Variants in THSD7B observed in about 807,000 individuals in gnomAD.
THSD7B encodes thrombospondin type 1 domain containing 7B.
THSD7B carries 138 observed loss-of-function variants against 213.6 expected under a neutral mutation model. The ratio of observed to expected loss-of-function variants is 0.65; its 90% confidence interval spans 0.56 to 0.74. The LOEUF is 0.74. Ranked by LOEUF, THSD7B falls within the 30% of genes least tolerant of loss-of-function variation. The probability of loss-of-function intolerance (pLI) is 0.00; values close to 1 mark genes in which losing one functional copy is unlikely to be tolerated. For missense variants in THSD7B, 1,931 were observed against 1,991.5 expected, an observed-to-expected ratio of 0.97 and a Z score of 0.58; for synonymous variants, 742 against 687.0, an observed-to-expected ratio of 1.08 and a Z score of -1.25.
At chr2:137,520,574 T>G (rs1048058881) in intron 15 of THSD7B, among the ~76,000 whole-genome samples, 1 of 152,214 alleles carries the variant, frequency 6.6e-6, no homozygotes, top group Admixed American at 6.5e-5. Flanking sequence ...TGCCCATAAA[T>G]GCTGGATATA....
chr2:137,438,392 G>T (rs1209690675), intron 14 of THSD7B, among the ~76,000 whole-genome samples: 2 of 151,998 alleles, frequency 1.3e-5, no homozygotes, highest in Non-Finnish European at 2.9e-5. Flanking sequence ...TATGCAATGG[G>T]TACTGTTATT....
chr2:137,192,242 A>G (rs924005852), intron 7 of THSD7B, among the ~76,000 whole-genome samples: 6 of 152,210 alleles, frequency 3.9e-5, no homozygotes, highest in Non-Finnish European at 8.8e-5. Flanking sequence ...TATTCAACAC[A>G]ACAACACATA....
At chr2:137,179,232 C>T (rs1455107024) in intron 7 of THSD7B, among the ~76,000 whole-genome samples, 1 of 152,094 alleles carries the variant, frequency 6.6e-6, no homozygotes, top group Non-Finnish European at 1.5e-5. Context: ...CAGACATGTC[C>T]TAAGTTTTTC....
At chr2:136,837,092 ATC>A (rs1183192283) in intron 1 of THSD7B, among the ~76,000 whole-genome samples, 2 of 151,998 alleles carry the variant, frequency 1.3e-5, no homozygotes, top group Non-Finnish European at 2.9e-5. Flanking sequence ...TTTCCCAAAG[ATC>A]TCTCTGTGTC....
rs373021665 is a variant in THSD7B, at chr2:137,221,684, T to C, written c.1724-9360T>C. Among the ~76,000 whole-genome samples the C allele has an allele frequency of 8.7e-4, 133 of 152,336 alleles. 4 individuals carry two copies. In the South Asian group the frequency reaches 0.027, roughly 31 times the overall value. On this transcript the variant is annotated intron_variant, in intron 7 of 27. Transcript: ENST00000409968. ...TATCACAGAGAAATTGAAAACATCTTAATTGTGCAATTATAGTGAGGTAGT... is the reference window on the plus strand; with the variant it reads ...TATCACAGAGAAATTGAAAACATCTCAATTGTGCAATTATAGTGAGGTAGT...
intron 2 of THSD7B, among the ~76,000 whole-genome samples, chr2:136,915,101 A>G (rs551884920): frequency 3.9e-5 from 6 of 152,340 alleles, no homozygotes; most frequent in African/African-American, 7.2e-5. Context: ...GGCATGAAAC[A>G]TCACAAACAG....
intron 15 of THSD7B, among the ~76,000 whole-genome samples, chr2:137,483,292 T>C (rs1688349215): frequency 6.6e-6 from 1 of 152,216 alleles, no homozygotes; most frequent in South Asian, 2.1e-4. Context: ...ATGAAGAAAG[T>C]AATTTCTCAG....
At chr2:137,059,175 GAAAA>G (rs1378527132) in intron 3 of THSD7B, among the ~76,000 whole-genome samples, 3 of 151,804 alleles carry the variant, frequency 2.0e-5, no homozygotes, top group Non-Finnish European at 2.9e-5. Flanking sequence ...GGGAGAGAGA[GAAAA>G]AAAGAGAGCA....
chr2:137,318,636 C>T lies in THSD7B; in HGVS notation c.2500+42610C>T, dbSNP rs1039487026. Among the ~76,000 whole-genome samples, 7 of 152,232 alleles carry T rather than the reference C, an allele frequency of 4.6e-5. No individual in the cohort carries two copies. The East Asian group carries it at 9.6e-4, about 21-fold the overall frequency. On this transcript the variant is annotated intron_variant, in intron 12 of 27. Coordinates refer to ENST00000409968, the MANE Select transcript of THSD7B (RefSeq NM_001316349.2). ...CCAACATTATTGAAATTTCTCTACT[C>T]CTTCCTAGCACAGAAACAGCATAGG...
chr2:137,430,237 G>A (rs2105038711), intron 14 of THSD7B, among the ~76,000 whole-genome samples: 1 of 152,218 alleles, frequency 6.6e-6, no homozygotes, highest in East Asian at 1.9e-4. Context: ...GGCAGAGCAA[G>A]ACCCTGACTC....
chr2:137,274,465 G>T (rs1170057148), intron 11 of THSD7B, among the ~76,000 whole-genome samples: 1 of 152,040 alleles, frequency 6.6e-6, no homozygotes, highest in Non-Finnish European at 1.5e-5. Flanking sequence ...ATGTAGAATT[G>T]GCAATAAGAA....
At chr2:137,108,831 G>T (rs910060726) in intron 4 of THSD7B, among the ~76,000 whole-genome samples, 1 of 152,134 alleles carries the variant, frequency 6.6e-6, no homozygotes, top group African/African-American at 2.4e-5. Context: ...GGGGATAAAA[G>T]TTCAGAAGAC....
In THSD7B at chr2:137,302,140, C is replaced by T. The variant is rs922007678; in HGVS notation, c.2500+26114C>T. Among the ~76,000 whole-genome samples, 7 of 151,854 alleles carry T rather than the reference C, an allele frequency of 4.6e-5. No homozygotes were observed. In the East Asian group the frequency reaches 7.7e-4, roughly 17 times the overall value. ...TTATGAGGGAAAGGTTATTCTGGTA[C>T]GATGAGAGATATAATTTGGGTGGTC... is the stretch of plus-strand genomic sequence containing the variant. On this transcript the variant is annotated intron_variant, in intron 12 of 27. Transcript: ENST00000409968.
At chr2:137,138,101 C>T (rs999122622) in intron 5 of THSD7B, among the ~76,000 whole-genome samples, 1 of 151,968 alleles carries the variant, frequency 6.6e-6, no homozygotes, top group Non-Finnish European at 1.5e-5. Context: ...ATTATGTTGC[C>T]CCGGCTGGTC....
At chr2:137,472,671 GTAT>G in intron 15 of THSD7B, among the ~76,000 whole-genome samples, 1 of 152,210 alleles carries the variant, frequency 6.6e-6, no homozygotes, top group East Asian at 1.9e-4. Context: ...AAAAGGAGAA[GTAT>G]TATAGTAGAC....
At chr2:137,145,279 G>A (rs1205938912) in intron 5 of THSD7B, among the ~76,000 whole-genome samples, 1 of 152,084 alleles carries the variant, frequency 6.6e-6, no homozygotes, top group Non-Finnish European at 1.5e-5. Context: ...GCCACAGTTA[G>A]TTATGGCCTG....
At chr2:137,261,915 CAAA>C (rs369579882) in intron 10 of THSD7B, among the ~76,000 whole-genome samples, 8 of 54,846 alleles carry the variant, frequency 1.5e-4, no homozygotes, top group East Asian at 5.8e-4. Context: ...GAAAGTTTGT[CAAA>C]AAAAAAAAAA....
chr2:137,495,411 A>G (rs995389085), intron 15 of THSD7B, among the ~76,000 whole-genome samples: 32 of 151,852 alleles, frequency 2.1e-4, no homozygotes, highest in Admixed American at 2.1e-3. Context: ...TTAGATCTTA[A>G]CTCCCTCAAT....
intron 3 of THSD7B, among the ~76,000 whole-genome samples, chr2:137,091,547 T>A (rs2104915192): frequency 6.6e-6 from 1 of 152,068 alleles, no homozygotes; most frequent in South Asian, 2.1e-4. Flanking sequence ...ATTCATTCAC[T>A]CACTTCTGGA....
Sources: gnomAD v4.1 joint callset for allele counts (sites outside exome capture counted in the v4.1 genomes callset) on GRCh38, gnomAD v4.1.1 for gene constraint, MANE v1.5 for transcripts, NCBI Gene and HGNC (gene_info 2026-07-23, HGNC 2026-07-21) for gene names.